The following TNIP1 variants were observed in gnomAD, a reference collection of about 807,000 sequenced individuals.
The protein encoded by TNIP1 is TNFAIP3-interacting protein 1.
A neutral mutation model predicts 86.6 loss-of-function variants in TNIP1; 22 were observed. That is an observed-to-expected ratio of 0.25 (90% CI 0.18 to 0.36). The LOEUF (loss-of-function observed/expected upper bound fraction) is 0.36. TNIP1 is among the 10% of genes least tolerant of loss of function. TNIP1 has a pLI of 1.00. For synonymous variants in TNIP1, 294 were observed against 313.0 expected (o/e 0.94, Z 0.64); for missense variants, 709 against 820.6 (o/e 0.86, Z 1.66).
At position 151,042,815 on chromosome 5, in the gene TNIP1, C is replaced by T. The variant is rs2287722; in HGVS notation, c.1002+81G>A. The T allele has an allele frequency of 1.2e-3, 1,954 of 1,606,036 alleles. 21 individuals are homozygous for T. In the East Asian group the frequency reaches 0.019, roughly 15 times the overall value. On this transcript the variant is annotated intron_variant, in intron 10 of 17. Transcript: ENST00000521591. ...ATACTGGGGCTCAGCGTGGCCACTCCCCAAGGTTCAAAGCTGCTAAAGAGG... is the reference window on the plus strand; with the variant it reads ...ATACTGGGGCTCAGCGTGGCCACTCTCCAAGGTTCAAAGCTGCTAAAGAGG...
upstream of TNIP1, among the ~76,000 whole-genome samples, chr5:151,085,990 C>T (rs1764263823): frequency 6.6e-6 from 1 of 152,216 alleles, no homozygotes; most frequent in Admixed American, 6.5e-5. Context: ...GCCTAGAAGC[C>T]ACCGTCAGAC....
chr5:151,050,209 C>T (rs1759729041), intron 7 of TNIP1, among the ~76,000 whole-genome samples: 1 of 152,218 alleles, frequency 6.6e-6, no homozygotes, highest in African/African-American at 2.4e-5. Flanking sequence ...TATATCCAAA[C>T]ACTGCATTAA....
chr5:151,059,836 T>A (rs1391645941), intron 5 of TNIP1, among the ~76,000 whole-genome samples: 979 of 81,398 alleles, frequency 0.012, 2 homozygotes, highest in African/African-American at 0.037. Flanking sequence ...AGAGTGTGTG[T>A]GTGTGTGTGT....
intron 11 of TNIP1, among the ~76,000 whole-genome samples, chr5:151,040,983 C>T (rs915138266): frequency 5.3e-5 from 8 of 152,146 alleles, no homozygotes; most frequent in Admixed American, 2.0e-4. Flanking sequence ...GATACTACTA[C>T]TTCAGGGGAC....
At chr5:151,086,059 C>G (rs1447537637) in intron 1 of TNIP1, among the ~76,000 whole-genome samples, 1 of 152,112 alleles carries the variant, frequency 6.6e-6, no homozygotes, top group Non-Finnish European at 1.5e-5. Flanking sequence ...GAAAAGATGC[C>G]TGGGGAGGGG....
chr5:151,076,205 G>A (rs1483176562), intron 1 of TNIP1, among the ~76,000 whole-genome samples: 1 of 152,234 alleles, frequency 6.6e-6, no homozygotes, highest in Admixed American at 6.5e-5. Context: ...GTCTTTCTCT[G>A]GGGGTTGGGA....
chr5:151,065,108 GC>G lies in TNIP1; in HGVS notation c.-14del, dbSNP rs1345894235. 1 of 1,610,048 alleles carries G rather than the reference GC, an allele frequency of 6.2e-7. No homozygotes were observed. The highest frequency in any genetic ancestry group is 8.5e-7 in the Non-Finnish European group (1 of 1,178,058). ...CTCTCCCTTCCATGAGGGTAGCTCA[GC>G]CCCTGCCGTGGTGCCCGCCTGGCTG... On this transcript the variant is annotated 5_prime_UTR_variant, in exon 2 of 18. Transcript: ENST00000521591.
chr5:151,067,071 C>T (rs1348336814), intron 1 of TNIP1, among the ~76,000 whole-genome samples: 2 of 152,224 alleles, frequency 1.3e-5, no homozygotes, highest in Admixed American at 6.5e-5. Context: ...GAGGCACCCA[C>T]GCCCTGCTGA....
chr5:151,080,154 A>G (rs1763842609), intron 1 of TNIP1: 2 of 152,228 alleles, frequency 1.3e-5, no homozygotes, highest in Admixed American at 6.5e-5. Flanking sequence ...CCTACAGTGG[A>G]AAGCTCAGCC....
At chr5:151,068,142 T>C (rs2113753000) in intron 1 of TNIP1, among the ~76,000 whole-genome samples, 1 of 152,176 alleles carries the variant, frequency 6.6e-6, no homozygotes, top group South Asian at 2.1e-4. Context: ...AGGAGAAATA[T>C]CCTATTGTGG....
intron 2 of TNIP1, among the ~76,000 whole-genome samples, chr5:151,064,313 A>C (rs1030788083): frequency 1.3e-5 from 2 of 152,232 alleles, no homozygotes; most frequent in Non-Finnish European, 2.9e-5. Context: ...CTAAAACATG[A>C]GACTAGAGAA....
intron 12 of TNIP1, 31 bp downstream of exon 12, chr5:151,039,066 C>T (rs1244527422): frequency 6.2e-7 from 1 of 1,602,190 alleles, no homozygotes; most frequent in East Asian, 2.2e-5. Flanking sequence ...TCAAGGGAGC[C>T]CAGCCAAGGG....
At chr5:151,059,828 A>AGAGAGAGAGAGAGAGAGAGT (rs1554076446) in intron 5 of TNIP1, among the ~76,000 whole-genome samples, 9 of 56,394 alleles carry the variant, frequency 1.6e-4, no homozygotes, top group Admixed American at 2.1e-4. Flanking sequence ...AGAGAGAGAG[A>AGAGAGAGAGAGAGAGAGAGT]GTGTGTGTGT....
At chr5:151,072,551 T>G (rs1762932663) in intron 1 of TNIP1, among the ~76,000 whole-genome samples, 1 of 152,132 alleles carries the variant, frequency 6.6e-6, no homozygotes, top group African/African-American at 2.4e-5. Flanking sequence ...GGCCCTTCTC[T>G]CCCCTCTGTG....
Position 151,039,198 on chromosome 5 carries a change from C to A in TNIP1, c.1162G>T (p.Ala388Ser). Reference sequence around the variant, plus strand: ...TTGACCTTTTGGCGCAGCTCCTTGGCCTCTGCTGTCAGCTGCTCCTTGTCG... The same window carrying A: ...TTGACCTTTTGGCGCAGCTCCTTGGACTCTGCTGTCAGCTGCTCCTTGTCG... Reference protein sequence around the residue: ...ETDKEQLTAEAKELRQKVKYL... With the variant: ...ETDKEQLTAESKELRQKVKYL... Residue 388 changes from alanine (A) to serine (S), a missense_variant, in exon 12 of 18, where the codon GCC (alanine) becomes TCC (serine). Ala to Ser is a moderately conservative substitution (Grantham distance 99, BLOSUM62 1). Transcript: ENST00000521591. The A allele has an allele frequency of 6.2e-7, 1 of 1,613,464 alleles. No homozygotes were observed.
In TNIP1 at chr5:151,035,034, C is replaced by T. The variant is rs1757513879; in HGVS notation, c.1555G>A (p.Glu519Lys). The change falls in exon 15 of 18, where the codon GAA becomes AAA. Residue 519 changes from glutamate (E) to lysine (K), a missense_variant. Coordinates refer to ENST00000521591, the MANE Select transcript of TNIP1 (RefSeq NM_006058.5). The stretch of plus-strand genomic sequence containing the variant: ...TTCCTCTTCTGCTGTCTGAGGGCTT[C>T]TCTTGCCTTCTCCTCATCTTTGAAT... The part of the protein sequence containing the change: ...KAFKDEEKAR[E>K]ALRQQKRKAK... The T allele has an allele frequency of 6.2e-7, 1 of 1,614,128 alleles. No homozygotes were observed.
chr5:151,062,337 T>C (rs1170781209), intron 3 of TNIP1, 125 bp from the exon 4 acceptor site: 2 of 841,176 alleles, frequency 2.4e-6, no homozygotes, highest in Non-Finnish European at 3.9e-6. Flanking sequence ...TGTGGGAGAA[T>C]GGGAGGTGGT....
intron 8 of TNIP1, among the ~76,000 whole-genome samples, chr5:151,047,851 A>G (rs765217802): frequency 3.9e-5 from 6 of 152,094 alleles, no homozygotes; most frequent in Non-Finnish European, 7.4e-5. Flanking sequence ...AGAAGCTCAA[A>G]CAGAAGAAGG....
Position 151,033,694 on chromosome 5 carries a change from C to T in TNIP1, c.1693G>A (p.Glu565Lys), listed in dbSNP as rs760651668. 5.9e-6 allele frequency: 8 copies of T among 1,349,184 alleles called. No individual in the cohort carries two copies. Among genetic ancestry groups the T allele is most frequent in the African/African-American group, 3.0e-5 (2 of 66,630 alleles). 83.6% of individuals were successfully genotyped at this position (1,349,184 alleles called of 1,614,324 possible). The stretch of plus-strand genomic sequence containing the variant: ...GGGTAGCGGATCTGGGACCAGTCCT[C>T]GAAGCCATGGTGTGGCACCATGGCT... ...MPAMVPHHGF[E>K]DWSQIRYPPP... is the part of the protein sequence containing the mutation. Residue 565 changes from glutamate to lysine, a missense_variant, in exon 16 of 18, where the codon GAG becomes AAG. Glu to Lys is a moderately conservative substitution (Grantham distance 56, BLOSUM62 1). Coordinates refer to ENST00000521591, the MANE Select transcript of TNIP1 (RefSeq NM_006058.5).
Sources: allele counts gnomAD v4.1 joint callset (sites outside exome capture counted in the v4.1 genomes callset), GRCh38; gene constraint gnomAD v4.1.1; transcripts MANE v1.5; gene names NCBI Gene and HGNC (gene_info 2026-07-23, HGNC 2026-07-21).